The following SPON1 variants were observed in gnomAD, a reference collection of about 807,000 sequenced individuals.
The protein encoded by SPON1 is spondin 1, also known as spondin-1.
A neutral mutation model predicts 111.7 loss-of-function variants in SPON1; 52 were observed. The ratio of observed to expected loss-of-function variants is 0.47; its 90% CI spans 0.37 to 0.59. SPON1 has a LOEUF of 0.59. SPON1 is among the 20% of genes least tolerant of loss of function. SPON1 has a pLI of 0.00. For synonymous variants in SPON1, 410 were observed against 395.8 expected (o/e 1.04, Z -0.43); for missense variants, 957 against 1,068.5 (o/e 0.90, Z 1.46).
At chr11:14,035,837 C>T (rs1348403529) in intron 2 of SPON1, among the ~76,000 whole-genome samples, 8 of 152,182 alleles carry the variant, frequency 5.3e-5, no homozygotes, top group African/African-American at 1.4e-4. Flanking sequence ...AGGCTGATCT[C>T]GAACTCCTAA....
chr11:14,047,760 C>G lies in SPON1; in HGVS notation c.479+6106C>G, dbSNP rs139489130. Among the ~76,000 whole-genome samples the G allele has an allele frequency of 8.1e-4, 124 of 152,216 alleles. 2 individuals are homozygous for G. The highest frequency in any genetic ancestry group is 2.9e-3 in the African/African-American group (120 of 41,540). The stretch of plus-strand genomic sequence containing the variant: ...ACTGAAGTGAGAGCAAACATGGCAG[C>G]CCTAGAAGACAGTAGACAGACCTTT... On this transcript the variant is annotated intron_variant, in intron 3 of 15. Coordinates refer to ENST00000576479, the MANE Select transcript of SPON1 (RefSeq NM_006108.4).
chr11:14,144,775 T>C (rs1554929155), intron 6 of SPON1, among the ~76,000 whole-genome samples: 1 of 152,142 alleles, frequency 6.6e-6, no homozygotes, highest in African/African-American at 2.4e-5. Flanking sequence ...CAGAATATTG[T>C]GTGATGTCAT....
intron 2 of SPON1, among the ~76,000 whole-genome samples, chr11:13,999,580 A>G (rs1848300330): frequency 6.6e-6 from 1 of 152,036 alleles, no homozygotes; most frequent in Non-Finnish European, 1.5e-5. Flanking sequence ...TAACTTTTGT[A>G]TATTTAGTAG....
chr11:14,110,834 A>G (rs529679048), intron 5 of SPON1, among the ~76,000 whole-genome samples: 7 of 152,366 alleles, frequency 4.6e-5, no homozygotes, highest in African/African-American at 1.7e-4. Context: ...ATATTTTATC[A>G]GCCATCTAGG....
intron 6 of SPON1, among the ~76,000 whole-genome samples, chr11:14,185,410 CTAGAGAGCCTTTCTCA>C (rs1275794635): frequency 1.1e-4 from 17 of 152,198 alleles, no homozygotes; most frequent in African/African-American, 4.1e-4. Context: ...CTCCTTTCTC[CTAGAGAGCCTTTCTCA>C]TATAGACCTG....
intron 2 of SPON1, among the ~76,000 whole-genome samples, chr11:14,007,365 A>C (rs1332506136): frequency 1.3e-5 from 2 of 152,218 alleles, no homozygotes; most frequent in Non-Finnish European, 2.9e-5. Flanking sequence ...GAGCCAGTCC[A>C]AGTCCCAAAA....
chr11:13,985,845 C>G (rs182343538), intron 2 of SPON1, among the ~76,000 whole-genome samples: 3 of 152,258 alleles, frequency 2.0e-5, no homozygotes, highest in Non-Finnish European at 4.4e-5. Flanking sequence ...TCACCCCTGC[C>G]CTGCCCTACC....
intron 5 of SPON1, among the ~76,000 whole-genome samples, chr11:14,133,096 T>A (rs1463047836): frequency 6.6e-6 from 1 of 152,168 alleles, no homozygotes; most frequent in Non-Finnish European, 1.5e-5. Context: ...TGTTGTTGCT[T>A]TTTGTTTTTT....
At chr11:14,165,623 T>C (rs1848020414) in intron 6 of SPON1, among the ~76,000 whole-genome samples, 1 of 152,196 alleles carries the variant, frequency 6.6e-6, no homozygotes, top group Non-Finnish European at 1.5e-5. Flanking sequence ...AGCATTAGTT[T>C]GGGGACTTCT....
At chr11:14,174,608 A>G (rs1334875278) in intron 6 of SPON1, among the ~76,000 whole-genome samples, 1 of 151,908 alleles carries the variant, frequency 6.6e-6, no homozygotes, top group African/African-American at 2.4e-5. Flanking sequence ...GTCCGAGGCT[A>G]CCGGAAGTTA....
At chr11:14,164,930 G>T (rs2133878054) in intron 6 of SPON1, among the ~76,000 whole-genome samples, 1 of 152,250 alleles carries the variant, frequency 6.6e-6, no homozygotes, top group East Asian at 1.9e-4. Flanking sequence ...GGGGCCAGCT[G>T]GTCCATCAAG....
chr11:14,090,823 G>GCCCCCCCCC (rs1360339677), intron 5 of SPON1, among the ~76,000 whole-genome samples: 1 of 27,052 alleles, frequency 3.7e-5, no homozygotes, highest in African/African-American at 2.7e-4. Flanking sequence ...TCTCTTATCT[G>GCCCCCCCCC]GCCCCCCCCC....
At chr11:14,140,902 G>A (rs1847646363) in intron 6 of SPON1, among the ~76,000 whole-genome samples, 1 of 152,162 alleles carries the variant, frequency 6.6e-6, no homozygotes, top group African/African-American at 2.4e-5. Context: ...CCATTTCTTG[G>A]AGGTGTCTTG....
chr11:14,141,029 C>CCCGCCA (rs71041572), intron 6 of SPON1, among the ~76,000 whole-genome samples: 4,373 of 132,180 alleles, frequency 0.033, 146 homozygotes, highest in Middle Eastern at 0.085. Flanking sequence ...GTGCCCCCCC[C>CCCGCCA]ATGCCCCACT....
chr11:14,193,971 G>A (rs1819225234), intron 6 of SPON1, among the ~76,000 whole-genome samples: 1 of 152,192 alleles, frequency 6.6e-6, no homozygotes, highest in African/African-American at 2.4e-5. Context: ...CTGAAAGGCA[G>A]CAGTTTACAG....
intron 6 of SPON1, among the ~76,000 whole-genome samples, chr11:14,236,809 C>T (rs1055531182): frequency 4.6e-5 from 7 of 152,142 alleles, no homozygotes; most frequent in Non-Finnish European, 7.4e-5. Flanking sequence ...GTGTCAAATA[C>T]TGCTGAGGGG....
chr11:14,256,114 G>A (rs1849104295), intron 9 of SPON1, among the ~76,000 whole-genome samples: 1 of 152,178 alleles, frequency 6.6e-6, no homozygotes, highest in Non-Finnish European at 1.5e-5. Flanking sequence ...GGGCATGGTG[G>A]CAGGGACCTG....
chr11:14,229,398 T>A (rs1848771441), intron 6 of SPON1, among the ~76,000 whole-genome samples: 1 of 152,136 alleles, frequency 6.6e-6, no homozygotes, highest in African/African-American at 2.4e-5. Flanking sequence ...TGCAAAAGCA[T>A]GAGCCTTTGG....
Position 14,228,022 on chromosome 11 carries a change from T to C in SPON1, c.826-15310T>C, listed in dbSNP as rs1848759267. 6.6e-6 allele frequency among the ~76,000 whole-genome samples: 1 copy of C among 152,186 alleles called. No homozygotes were observed. Among genetic ancestry groups the C allele is most frequent in the African/African-American group, 2.4e-5 (1 of 41,448 alleles). On this transcript the variant is annotated intron_variant, in intron 6 of 15. Coordinates refer to ENST00000576479, the MANE Select transcript of SPON1 (RefSeq NM_006108.4). This position sits in a 1 kb window ranked among gnomAD's most constrained non-coding sequence, Gnocchi z 4.2. ...TCTTAAGATGATAAAAACAAAATAG[T>C]GATACTAATAATAACACAAATAAAA... is the stretch of plus-strand genomic sequence containing the variant.
Sources: allele counts gnomAD v4.1 joint callset (sites outside exome capture counted in the v4.1 genomes callset), GRCh38; gene constraint gnomAD v4.1.1; non-coding constraint Gnocchi (gnomAD v3.1); transcripts MANE v1.5; gene names NCBI Gene and HGNC (gene_info 2026-07-23, HGNC 2026-07-21).